Variants in ENOX1 observed in about 807,000 individuals in gnomAD.
ENOX1 encodes the protein ecto-NOX disulfide-thiol exchanger 1, also known as candidate growth-related and time keeping constitutive hydroquinone (NADH) oxidase.
A neutral mutation model predicts 82.5 loss-of-function variants in ENOX1; 42 were observed. That is an observed-to-expected ratio of 0.51 (90% CI 0.40 to 0.66). The LOEUF is 0.66. Among genes scored for constraint, ENOX1 ranks in the 30% least tolerant of loss-of-function variants. ENOX1 has a pLI of 0.00. For missense variants in ENOX1, 608 were observed against 811.6 expected (o/e 0.75, Z 3.05); for synonymous variants, 271 against 282.2 (o/e 0.96, Z 0.40).
chr13:43,348,571 T>C (rs1036625524), intron 8 of ENOX1, among the ~76,000 whole-genome samples: 1 of 152,216 alleles, frequency 6.6e-6, no homozygotes, highest in Non-Finnish European at 1.5e-5. Context: ...AATTGCACAC[T>C]GTTCTGAATA....
chr13:43,501,741 C>A, intron 2 of ENOX1, among the ~76,000 whole-genome samples: 1 of 136,412 alleles, frequency 7.3e-6, no homozygotes. Flanking sequence ...TTATTGGATG[C>A]ATCAAAAGAA....
chr13:43,388,802 G>A (rs558612002), intron 5 of ENOX1, among the ~76,000 whole-genome samples: 2 of 152,286 alleles, frequency 1.3e-5, no homozygotes, highest in South Asian at 4.1e-4. Flanking sequence ...GATAGGTGGA[G>A]AGGCAGAGGA....
At chr13:43,738,545 A>G (rs948683183) in intron 1 of ENOX1, among the ~76,000 whole-genome samples, 1 of 152,324 alleles carries the variant, frequency 6.6e-6, no homozygotes, top group African/African-American at 2.4e-5. Flanking sequence ...ACTACTTTTC[A>G]AAGAGAGGTG....
intron 13 of ENOX1, among the ~76,000 whole-genome samples, chr13:43,266,846 G>T (rs7328701): frequency 0.16 from 24,262 of 152,066 alleles, 2,576 homozygotes; most frequent in East Asian, 0.59. Flanking sequence ...CCATGAGTTC[G>T]AGTGGGGTTA....
intron 2 of ENOX1, among the ~76,000 whole-genome samples, chr13:43,655,770 C>T (rs537383618): frequency 3.3e-5 from 5 of 152,174 alleles, no homozygotes; most frequent in Admixed American, 6.5e-5. Flanking sequence ...TCTCTGTTCT[C>T]CAGATAGCAG....
intron 9 of ENOX1, among the ~76,000 whole-genome samples, chr13:43,335,695 A>C (rs2048659239): frequency 6.6e-6 from 1 of 151,986 alleles, no homozygotes; most frequent in Admixed American, 6.6e-5. Context: ...TGGTATTATT[A>C]AAGATTTTTT....
At chr13:43,643,926 A>G (rs750865468) in intron 2 of ENOX1, among the ~76,000 whole-genome samples, 5 of 152,088 alleles carry the variant, frequency 3.3e-5, no homozygotes, top group Admixed American at 6.6e-5. Context: ...TTCACTAAAT[A>G]TTATTCTGCT....
chr13:43,474,115 G>C (rs1052168922), intron 3 of ENOX1, among the ~76,000 whole-genome samples: 6 of 152,166 alleles, frequency 3.9e-5, no homozygotes, highest in Non-Finnish European at 7.4e-5. Flanking sequence ...AGGCCAAACT[G>C]TTGTGATTCC....
chr13:43,741,129 GGCTGGAGT>G (rs2089891053), intron 1 of ENOX1, among the ~76,000 whole-genome samples: 1 of 149,866 alleles, frequency 6.7e-6, no homozygotes, highest in Admixed American at 6.7e-5. Context: ...TTGTGATCCA[GGCTGGAGT>G]GCAATGGCGT....
At chr13:43,628,347 C>T (rs1410945278) in intron 2 of ENOX1, among the ~76,000 whole-genome samples, 3 of 152,130 alleles carry the variant, frequency 2.0e-5, no homozygotes, top group Non-Finnish European at 2.9e-5. Context: ...GTTATGTCTT[C>T]CAGTTATTGA....
chr13:43,583,630 C>T (rs866490670), intron 2 of ENOX1, among the ~76,000 whole-genome samples: 1 of 152,132 alleles, frequency 6.6e-6, no homozygotes, highest in Non-Finnish European at 1.5e-5. Flanking sequence ...CTCAAAAAAG[C>T]TTATTTGATT....
At chr13:43,390,326 C>T (rs558717464) in intron 5 of ENOX1, among the ~76,000 whole-genome samples, 1 of 124,082 alleles carries the variant, frequency 8.1e-6, no homozygotes, top group South Asian at 2.8e-4. Context: ...TGGTATTGCA[C>T]CAGATGGCTG....
intron 2 of ENOX1, among the ~76,000 whole-genome samples, chr13:43,583,908 C>T (rs1275632486): frequency 6.6e-6 from 1 of 151,406 alleles, no homozygotes; most frequent in Non-Finnish European, 1.5e-5. Context: ...CATACTTAAA[C>T]ATTTTGACGC....
intron 2 of ENOX1, among the ~76,000 whole-genome samples, chr13:43,595,592 T>TTCATAGGG (rs753092436): frequency 6.6e-6 from 1 of 152,190 alleles, no homozygotes; most frequent in Non-Finnish European, 1.5e-5. Context: ...TTAACATTCT[T>TTCATAGGG]TCATAGGGTC....
chr13:43,722,475 C>T (rs1008708970), intron 1 of ENOX1, among the ~76,000 whole-genome samples: 3 of 152,112 alleles, frequency 2.0e-5, no homozygotes, highest in African/African-American at 7.2e-5. Flanking sequence ...AAATGTGGGC[C>T]TGCCTGAGGA....
At position 43,479,991 on chromosome 13, in the gene ENOX1, A is replaced by G. The variant is rs150282291; in HGVS notation, c.-75+4018T>C. On this transcript the variant is annotated intron_variant, in intron 3 of 16. Transcript: ENST00000690772. ...TCTCTTGCTGCCCAGGCTGGAGTGCAATGGCGTGATCTTGGCTCACTGCAA... is the reference window on the plus strand; with the variant it reads ...TCTCTTGCTGCCCAGGCTGGAGTGCGATGGCGTGATCTTGGCTCACTGCAA... Among the ~76,000 whole-genome samples, 301 of 151,240 alleles carry G rather than the reference A, an allele frequency of 2.0e-3. 1 individual carries two copies. The Middle Eastern group carries it at 0.021, about 10-fold the overall frequency.
At chr13:43,721,669 C>G (rs946034295) in intron 1 of ENOX1, among the ~76,000 whole-genome samples, 1 of 152,128 alleles carries the variant, frequency 6.6e-6, no homozygotes, top group African/African-American at 2.4e-5. Flanking sequence ...TGAGCCACCA[C>G]GCCCGGCCTA....
At chr13:43,538,724 T>G (rs1429318669) in intron 2 of ENOX1, among the ~76,000 whole-genome samples, 1 of 152,200 alleles carries the variant, frequency 6.6e-6, no homozygotes, top group Non-Finnish European at 1.5e-5. Context: ...GTCCTCCTCT[T>G]TTTTCATTCT....
chr13:43,757,167 G>A (rs1454410355), intron 1 of ENOX1, among the ~76,000 whole-genome samples: 2 of 152,110 alleles, frequency 1.3e-5, no homozygotes, highest in Non-Finnish European at 2.9e-5. Context: ...CGAGAGACCT[G>A]ATATGGTGGA....
Sources: allele counts gnomAD v4.1 joint callset (sites outside exome capture counted in the v4.1 genomes callset), GRCh38; gene constraint gnomAD v4.1.1; transcripts MANE v1.5; gene names NCBI Gene and HGNC (gene_info 2026-07-23, HGNC 2026-07-21).